The following MAP4K5 variants were observed in gnomAD, a reference collection of about 807,000 sequenced individuals.
MAP4K5 encodes mitogen-activated protein kinase kinase kinase kinase 5.
MAP4K5 carries 82 observed loss-of-function variants against 135.6 expected under a neutral mutation model. The observed-to-expected ratio is 0.60, with a 90% CI of 0.51 to 0.73. The LOEUF (loss-of-function observed/expected upper bound fraction) is 0.73. MAP4K5 is among the 30% of genes least tolerant of loss of function. The pLI is 0.00. For synonymous variants in MAP4K5, 347 were observed against 335.0 expected (o/e 1.04, Z -0.39); for missense variants, 907 against 1,010.9 (o/e 0.90, Z 1.39).
chr14:50,491,830 C>T (rs935108574), intron 3 of MAP4K5, among the ~76,000 whole-genome samples: 1 of 151,950 alleles, frequency 6.6e-6, no homozygotes, highest in African/African-American at 2.4e-5. Context: ...GGATTACAGG[C>T]ACATGTCATG....
chr14:50,556,288 G>A (rs931499996), intron 1 of MAP4K5, among the ~76,000 whole-genome samples: 3 of 152,114 alleles, frequency 2.0e-5, no homozygotes, highest in Middle Eastern at 3.4e-3. Context: ...GAAGTGCAGC[G>A]GCCTGAATCC....
intron 16 of MAP4K5, 39 bp from the exon 17 acceptor site, chr14:50,446,160 T>G: frequency 7.3e-7 from 1 of 1,360,818 alleles, no homozygotes; most frequent in Non-Finnish European, 1.0e-6. Context: ...TGATGATAAA[T>G]GACCGTAACC....
At chr14:50,462,824 T>A (rs371455607) in intron 12 of MAP4K5, 43 bp from the exon 13 acceptor site, 1 of 1,114,866 alleles carries the variant, frequency 9.0e-7, no homozygotes, top group Non-Finnish European at 1.4e-6. Flanking sequence ...TGCCTTTACA[T>A]CTATGGCTTA....
At chr14:50,447,387 T>C (rs181606161) in intron 16 of MAP4K5, 27 bp downstream of exon 16, 4 of 1,359,664 alleles carry the variant, frequency 2.9e-6, no homozygotes, top group East Asian at 5.0e-5. Context: ...AAATAAAATA[T>C]AGTTATTAAA....
intron 31 of MAP4K5, 60 bp downstream of exon 31, chr14:50,425,847 A>T: frequency 1.7e-6 from 2 of 1,171,166 alleles, no homozygotes; most frequent in Non-Finnish European, 2.5e-6. Flanking sequence ...GCATAAAACG[A>T]GTGCTTCGAC....
chr14:50,509,487 T>C (rs1344853055), intron 2 of MAP4K5, among the ~76,000 whole-genome samples: 1 of 152,188 alleles, frequency 6.6e-6, no homozygotes, highest in Non-Finnish European at 1.5e-5. Context: ...TCACATTAAA[T>C]TTCTCCGTGA....
chr14:50,548,274 C>T (rs1437329573), intron 1 of MAP4K5, among the ~76,000 whole-genome samples: 1 of 152,194 alleles, frequency 6.6e-6, no homozygotes, highest in Non-Finnish European at 1.5e-5. Flanking sequence ...TCATTTGGCA[C>T]AAACCCTCAG....
chr14:50,524,902 A>C (rs1459278080), intron 2 of MAP4K5, among the ~76,000 whole-genome samples: 7 of 152,250 alleles, frequency 4.6e-5, no homozygotes. Flanking sequence ...CAGTTAGAGC[A>C]AACAGGAACA....
At chr14:50,546,694 G>T (rs1382555016) in intron 1 of MAP4K5, among the ~76,000 whole-genome samples, 1 of 152,144 alleles carries the variant, frequency 6.6e-6, no homozygotes, top group Non-Finnish European at 1.5e-5. Context: ...TGACATGAAA[G>T]TTATAAGACT....
At chr14:50,533,904 C>T (rs543293672), upstream of MAP4K5, among the ~76,000 whole-genome samples, 1 of 152,290 alleles carries the variant, frequency 6.6e-6, no homozygotes, top group Admixed American at 6.5e-5. Context: ...ACACAAAGGG[C>T]ACTTATTTGG....
chr14:50,505,258 T>C (rs1316232924), intron 2 of MAP4K5: 1 of 166,762 alleles, frequency 6.0e-6, no homozygotes, highest in Admixed American at 6.4e-5. Flanking sequence ...AGTGAACATT[T>C]CAGTGTACAT....
chr14:50,428,971 A>G (rs1191651177), intron 29 of MAP4K5, among the ~76,000 whole-genome samples: 1 of 152,196 alleles, frequency 6.6e-6, no homozygotes, highest in Non-Finnish European at 1.5e-5. Flanking sequence ...TATATACTGA[A>G]TATTTACACT....
intron 13 of MAP4K5, among the ~76,000 whole-genome samples, chr14:50,460,419 T>G (rs2036686859): frequency 1.3e-5 from 2 of 152,196 alleles, no homozygotes; most frequent in Admixed American, 1.3e-4. Context: ...AGAGTGGATT[T>G]GGGAAGCCCA....
intron 28 of MAP4K5, among the ~76,000 whole-genome samples, chr14:50,432,127 T>C (rs1009464781): frequency 2.0e-5 from 3 of 152,220 alleles, no homozygotes; most frequent in Non-Finnish European, 2.9e-5. Context: ...GTGCTGACCA[T>C]ATGCTAAGCA....
At chr14:50,524,166 G>A in intron 2 of MAP4K5, among the ~76,000 whole-genome samples, 1 of 152,184 alleles carries the variant, frequency 6.6e-6, no homozygotes, top group South Asian at 2.1e-4. Flanking sequence ...CAAACTTAAA[G>A]AATGGTAACT....
intron 13 of MAP4K5, among the ~76,000 whole-genome samples, chr14:50,460,318 TG>T (rs912790709): frequency 2.0e-5 from 3 of 151,324 alleles, no homozygotes; most frequent in Non-Finnish European, 4.4e-5. Flanking sequence ...TATACCATTG[TG>T]CCCCCCCAAC....
chr14:50,553,270 CAAA>C (rs35423067), intron 1 of MAP4K5, among the ~76,000 whole-genome samples: 3 of 103,140 alleles, frequency 2.9e-5, no homozygotes, highest in Admixed American at 9.9e-5. Context: ...GACTCCGTTT[CAAA>C]AAAAAAAAAA....
chr14:50,466,526 G>T, intron 11 of MAP4K5, 57 bp downstream of exon 11: 1 of 857,078 alleles, frequency 1.2e-6, no homozygotes, highest in South Asian at 1.6e-5. Context: ...TATGGGAACT[G>T]AATCTATACT....
At chr14:50,501,282 T>C (rs1055256095) in intron 3 of MAP4K5, among the ~76,000 whole-genome samples, 5 of 152,116 alleles carry the variant, frequency 3.3e-5, no homozygotes, top group African/African-American at 1.2e-4. Flanking sequence ...ACTGTTTTAT[T>C]TCTTAAACTG....
Sources: allele counts gnomAD v4.1 joint callset (sites outside exome capture counted in the v4.1 genomes callset), GRCh38; gene constraint gnomAD v4.1.1; transcripts MANE v1.5; gene names NCBI Gene and HGNC (gene_info 2026-07-23, HGNC 2026-07-21).